Variants in ELMO1 observed in about 807,000 individuals in gnomAD.
ELMO1 encodes engulfment and cell motility protein 1.
Under a neutral mutation model 98.9 loss-of-function variants are expected in ELMO1, and 26 were observed. The ratio of observed to expected loss-of-function variants is 0.26; its 90% CI spans 0.19 to 0.36. ELMO1 has a LOEUF of 0.36. Ranked by LOEUF, ELMO1 falls within the 10% of genes least tolerant of loss-of-function variation. The probability of loss-of-function intolerance (pLI) is 1.00; values close to 1 mark genes in which losing one functional copy is unlikely to be tolerated. For synonymous variants in ELMO1, 346 were observed against 346.0 expected, an observed-to-expected ratio of 1.00 and a Z score of 0.00; for missense variants, 627 against 935.2, an observed-to-expected ratio of 0.67 and a Z score of 4.30.
intron 16 of ELMO1, among the ~76,000 whole-genome samples, chr7:36,906,609 G>A (rs1783980521): frequency 6.6e-6 from 1 of 152,182 alleles, no homozygotes; most frequent in African/African-American, 2.4e-5. Flanking sequence ...AACCAGACCA[G>A]TGTCCACCGC....
chr7:37,249,275 T>C (rs1312271793), intron 6 of ELMO1, among the ~76,000 whole-genome samples: 1 of 152,026 alleles, frequency 6.6e-6, no homozygotes, highest in Non-Finnish European at 1.5e-5. Context: ...AATGCAAAAA[T>C]GATGACAATT....
chr7:37,381,197 A>G (rs1209551873), intron 1 of ELMO1, among the ~76,000 whole-genome samples: 1 of 152,252 alleles, frequency 6.6e-6, no homozygotes, highest in Non-Finnish European at 1.5e-5. Flanking sequence ...TGCCAATAGC[A>G]CAGATAGCTT....
At chr7:37,041,851 A>G (rs757942420) in intron 15 of ELMO1, among the ~76,000 whole-genome samples, 1 of 152,212 alleles carries the variant, frequency 6.6e-6, no homozygotes, top group Non-Finnish European at 1.5e-5. Context: ...CAAAGTGGAC[A>G]CGGGTTTTCT....
At chr7:37,235,609 G>T (rs1206374215) in intron 7 of ELMO1, among the ~76,000 whole-genome samples, 2 of 152,206 alleles carry the variant, frequency 1.3e-5, no homozygotes, top group Non-Finnish European at 2.9e-5. Flanking sequence ...CAATGGAACA[G>T]GCAGTGGCAG....
intron 16 of ELMO1, among the ~76,000 whole-genome samples, chr7:36,909,798 T>TG (rs1306884557): frequency 6.6e-6 from 1 of 152,226 alleles, no homozygotes; most frequent in Non-Finnish European, 1.5e-5. Flanking sequence ...AGGATTTAAT[T>TG]CCAAACCTAT....
At position 37,360,425 on chromosome 7, in the gene ELMO1, TA is replaced by T. The variant is rs963967962; in HGVS notation, c.-73-17663del. Among the ~76,000 whole-genome samples, 58 of 125,570 alleles carry T rather than the reference TA, an allele frequency of 4.6e-4. No homozygotes were observed. In the South Asian group the frequency reaches 6.2e-3, roughly 13 times the overall value. 82.4% of individuals were successfully genotyped at this position (125,570 alleles called of 152,430 possible). The stretch of plus-strand genomic sequence containing the variant: ...AGTTTATGAAACTTAACTGAAATTT[TA>T]AAAAAAAAAAAAAACACCAAGGTCG... On this transcript the variant is annotated intron_variant, in intron 1 of 21. Transcript: ENST00000310758.
intron 16 of ELMO1, among the ~76,000 whole-genome samples, chr7:36,934,703 A>C (rs185231358): frequency 2.1e-4 from 32 of 152,360 alleles, no homozygotes; most frequent in Admixed American, 2.0e-3. Context: ...GATGCTCACT[A>C]AACAAAATGT....
chr7:37,355,676 T>C (rs1801467711), intron 1 of ELMO1, among the ~76,000 whole-genome samples: 1 of 152,258 alleles, frequency 6.6e-6, no homozygotes, highest in South Asian at 2.1e-4. Context: ...CCTGAGCAGA[T>C]GCCCTGATGG....
chr7:36,893,505 C>A (rs1034281823), intron 17 of ELMO1, among the ~76,000 whole-genome samples: 2 of 152,206 alleles, frequency 1.3e-5, no homozygotes, highest in African/African-American at 2.4e-5. Flanking sequence ...TAACTTCATG[C>A]CAACTAGTCT....
intron 8 of ELMO1, among the ~76,000 whole-genome samples, chr7:37,228,668 G>C (rs181859320): frequency 2.6e-5 from 4 of 152,190 alleles, no homozygotes; most frequent in African/African-American, 9.7e-5. Context: ...GAATCACTTA[G>C]AATGAGATCT....
At chr7:37,430,188 G>A (rs987701671) in intron 1 of ELMO1, among the ~76,000 whole-genome samples, 11 of 152,202 alleles carry the variant, frequency 7.2e-5, no homozygotes, top group Non-Finnish European at 1.6e-4. Flanking sequence ...AGCTCCACCA[G>A]GAACATCATT....
At chr7:37,155,200 A>T (rs547677679) in intron 13 of ELMO1, among the ~76,000 whole-genome samples, 7 of 152,348 alleles carry the variant, frequency 4.6e-5, no homozygotes, top group Non-Finnish European at 7.3e-5. Flanking sequence ...GCCACTGCTA[A>T]AACATGCCAA....
intron 8 of ELMO1, among the ~76,000 whole-genome samples, chr7:37,226,131 C>T (rs142463270): frequency 6.6e-5 from 10 of 152,202 alleles, no homozygotes; most frequent in Admixed American, 2.0e-4. Flanking sequence ...GGGTGGGAGA[C>T]GCAGATACCA....
At position 36,964,234 on chromosome 7, in the gene ELMO1, T is replaced by A. The variant is rs75922123; in HGVS notation, c.1437+49065A>T. Among the ~76,000 whole-genome samples, 643 of 152,312 alleles carry A rather than the reference T, an allele frequency of 4.2e-3. 10 individuals are homozygous for A. Among genetic ancestry groups the A allele is most frequent in the African/African-American group, 0.015 (613 of 41,566 alleles). ...TTATAATGAGATTATGTCCCAATAA[T>A]CCCATCGTAAGTGGAAAATATTTTA... On this transcript the variant is annotated intron_variant, in intron 16 of 21. Coordinates refer to ENST00000310758, the MANE Select transcript of ELMO1 (RefSeq NM_014800.11).
intron 11 of ELMO1, 135 bp downstream of exon 11, chr7:37,216,510 T>G: frequency 9.8e-7 from 1 of 1,018,372 alleles, no homozygotes; most frequent in Non-Finnish European, 1.5e-6. Flanking sequence ...CACTTTTTCC[T>G]TCATTAGAGT....
intron 2 of ELMO1, among the ~76,000 whole-genome samples, chr7:37,330,709 A>G (rs1388754184): frequency 6.6e-6 from 1 of 152,186 alleles, no homozygotes; most frequent in Non-Finnish European, 1.5e-5. Flanking sequence ...TCTTCCTCAC[A>G]ATTTCACAGA....
intron 2 of ELMO1, among the ~76,000 whole-genome samples, chr7:37,340,228 A>G (rs1170329570): frequency 1.3e-5 from 2 of 152,196 alleles, no homozygotes; most frequent in African/African-American, 4.8e-5. Context: ...GGTTTTATAA[A>G]TGTACTGTGA....
chr7:37,350,005 C>T (rs1200498958), intron 1 of ELMO1, among the ~76,000 whole-genome samples: 1 of 152,140 alleles, frequency 6.6e-6, no homozygotes, highest in African/African-American at 2.4e-5. Flanking sequence ...CTTTGTTTCC[C>T]ATGGGAGCAG....
At position 37,277,612 on chromosome 7, in the gene ELMO1, G is replaced by C. The variant is rs537731422; in HGVS notation, c.193-5730C>G. On this transcript the variant is annotated intron_variant, in intron 4 of 21. Coordinates refer to ENST00000310758, the MANE Select transcript of ELMO1 (RefSeq NM_014800.11). ...AGCAAACATGTCATCTCTCTCTTGAGCCAGCTGGGCAATATGGCCGGCATA... is the reference window on the plus strand; with the variant it reads ...AGCAAACATGTCATCTCTCTCTTGACCCAGCTGGGCAATATGGCCGGCATA... Among the ~76,000 whole-genome samples the C allele has an allele frequency of 2.0e-5, 3 of 152,326 alleles. No individual in the cohort carries two copies. The East Asian group carries it at 5.8e-4, about 29-fold the overall frequency.
Sources: gnomAD v4.1 joint callset for allele counts (sites outside exome capture counted in the v4.1 genomes callset) on GRCh38, gnomAD v4.1.1 for gene constraint, MANE v1.5 for transcripts, NCBI Gene and HGNC (gene_info 2026-07-23, HGNC 2026-07-21) for gene names.